Variants in PRIM1 observed in about 807,000 individuals in gnomAD.
PRIM1 encodes DNA primase subunit 1.
Under a neutral mutation model 60.2 loss-of-function variants are expected in PRIM1, and 38 were observed. The observed-to-expected ratio is 0.63, with a 90% CI of 0.49 to 0.83. The LOEUF is 0.83. Ranked by LOEUF, PRIM1 falls within the 40% of genes least tolerant of loss-of-function variation. The pLI is 0.00. For missense variants in PRIM1, 388 were observed against 506.2 expected (o/e 0.77, Z 2.24); for synonymous variants, 158 against 160.2 (o/e 0.99, Z 0.10).
chr12:56,741,688 T>C, intron 8 of PRIM1, 58 bp downstream of exon 8: 1 of 1,585,152 alleles, frequency 6.3e-7, no homozygotes, highest in Non-Finnish European at 8.6e-7. Context: ...GGCAAAGCAA[T>C]CAATTTAATT....
intron 10 of PRIM1, among the ~76,000 whole-genome samples, chr12:56,739,022 T>G (rs1953853746): frequency 6.6e-6 from 1 of 152,214 alleles, no homozygotes; most frequent in Non-Finnish European, 1.5e-5. Context: ...TATGAAAGAC[T>G]GTGAAATACT....
intron 11 of PRIM1, among the ~76,000 whole-genome samples, chr12:56,734,835 A>G (rs1224738138): frequency 5.7e-5 from 8 of 140,224 alleles, no homozygotes; most frequent in Non-Finnish European, 1.2e-4. Flanking sequence ...TTTTTGAGAC[A>G]GAGTGTCACT....
At chr12:56,748,796 A>ACTTTTTGTGTTTTT (rs1264423117) in intron 2 of PRIM1, among the ~76,000 whole-genome samples, 34 of 151,990 alleles carry the variant, frequency 2.2e-4, no homozygotes, top group Admixed American at 2.0e-3. Flanking sequence ...TCTCTACTAA[A>ACTTTTTGTGTTTTT]AAACACAAAA....
chr12:56,752,300 G>C lies in PRIM1; in HGVS notation c.-2C>G. On this transcript the variant is annotated 5_prime_UTR_variant, in exon 1 of 13. Coordinates refer to ENST00000338193, the MANE Select transcript of PRIM1 (RefSeq NM_000946.3). ...CTCGGTGGGGTCAAACGTCTCCATT[G>C]AGCGCGGAACTCGCCACGGTAAGGA... is the stretch of plus-strand genomic sequence containing the variant. 6.4e-7 allele frequency: 1 copy of C among 1,570,414 alleles called. No homozygotes were observed.
At position 56,731,703 on chromosome 12, in the gene PRIM1, G is replaced by C. The variant is rs983302125; in HGVS notation, c.*12C>G. On this transcript the variant is annotated 3_prime_UTR_variant, in exon 13 of 13. Coordinates refer to ENST00000338193, the MANE Select transcript of PRIM1 (RefSeq NM_000946.3). ...GCAGAAGATATCCACAATGGTTTGA[G>C]GAGCTCTGTCTTCAGAAATCTTTTT... 6 of 1,513,034 alleles carry C rather than the reference G, an allele frequency of 4.0e-6. No individual in the cohort carries two copies. In the African/African-American group the frequency reaches 8.4e-5, roughly 21 times the overall value. 93.7% of individuals were successfully genotyped at this position (1,513,034 alleles called of 1,614,324 possible).
chr12:56,750,371 T>C lies in PRIM1; in HGVS notation c.261+667A>G, dbSNP rs188504122. Among the ~76,000 whole-genome samples, 95 of 151,600 alleles carry C rather than the reference T, an allele frequency of 6.3e-4. 1 individual carries two copies. The highest frequency in any genetic ancestry group is 9.8e-4 in the Admixed American group (15 of 15,234). ...TGGTAGAGCCAAAGGGATTTCCTAA[T>C]AGAATGGGTATGGGAATGTGAGAAA... On this transcript the variant is annotated intron_variant, in intron 2 of 12. Transcript: ENST00000338193.
chr12:56,750,803 A>G (rs1953946359), intron 2 of PRIM1, among the ~76,000 whole-genome samples: 1 of 152,122 alleles, frequency 6.6e-6, no homozygotes, highest in Admixed American at 6.6e-5. Flanking sequence ...CCTAGTAGCT[A>G]GATACTCAAT....
Position 56,747,001 on chromosome 12 carries a change from G to A in PRIM1, c.293C>T (p.Ala98Val), listed in dbSNP as rs780763310. 9.9e-6 allele frequency: 16 copies of A among 1,613,318 alleles called. No homozygotes were observed. In the Admixed American group the frequency reaches 2.5e-4, roughly 25 times the overall value. The change falls in exon 3 of 13, where the codon GCT becomes GTT. Residue 98 changes from alanine (A) to valine (V), a missense_variant. By Grantham distance (64) the Ala-to-Val change is moderately conservative (BLOSUM62 0). Transcript: ENST00000338193. ...PNQHNTVKLG[A>V]FQAQEKELVF... ...CAGTTCTTTTTCCTGAGCCTGGAAA[G>A]CTCCCAGCTTCACTGTATTGTGTTG... is the stretch of plus-strand genomic sequence containing the variant.
chr12:56,737,138 G>C (rs929689743), intron 11 of PRIM1, among the ~76,000 whole-genome samples: 6 of 152,120 alleles, frequency 3.9e-5, no homozygotes, highest in Middle Eastern at 3.4e-3. Flanking sequence ...TCTCAAAGGA[G>C]CATGAACCCT....
At chr12:56,741,973 CTGGGCGTGG>C (rs1953875635) in intron 7 of PRIM1, 136 bp from the exon 8 acceptor site, 1 of 911,608 alleles carries the variant, frequency 1.1e-6, no homozygotes, top group Non-Finnish European at 1.7e-6. Flanking sequence ...TAAATGTTGA[CTGGGCGTGG>C]TGGCTCATGC....
intron 11 of PRIM1, among the ~76,000 whole-genome samples, chr12:56,737,424 A>G (rs1953840920): frequency 6.7e-6 from 1 of 149,648 alleles, no homozygotes; most frequent in African/African-American, 2.5e-5. Context: ...ATCTTGGCTC[A>G]CCGCAACCTC....
At position 56,743,046 on chromosome 12, in the gene PRIM1, T is replaced by C. The variant is rs895947764; in HGVS notation, c.689A>G (p.Asn230Ser). Reference protein sequence around the residue: ...KKYFEEYALVNQDILENKESW... With the variant: ...KKYFEEYALVSQDILENKESW... Reference sequence around the variant, plus strand: ...TTCTTTATTTTCGAGAATATCTTGATTAACCAAGGCATATTCTTCAAAGTA... The same window carrying C: ...TTCTTTATTTTCGAGAATATCTTGACTAACCAAGGCATATTCTTCAAAGTA... Residue 230 changes from asparagine (N) to serine (S), a missense_variant, in exon 7 of 13, where the codon AAT (asparagine) becomes AGT (serine). By Grantham distance (46) the Asn-to-Ser change is conservative. Around this residue, in one of 3 missense-constraint regions of PRIM1, gnomAD observed 211 missense variants for 277.9 expected, o/e 0.76. Transcript: ENST00000338193. 1.0e-5 allele frequency: 16 copies of C among 1,539,690 alleles called. No individual in the cohort carries two copies. Among genetic ancestry groups the C allele is most frequent in the Non-Finnish European group, 1.4e-5 (16 of 1,145,834 alleles).
In PRIM1 at chr12:56,746,791, T is replaced by C; in HGVS notation, c.432A>G (p.Arg144=). The change falls in exon 4 of 13, where the codon AGA becomes AGG. Residue 144 remains arginine (R), a synonymous_variant. Coordinates refer to ENST00000338193, the MANE Select transcript of PRIM1 (RefSeq NM_000946.3). ...ACTGCTGATACTTGCCCTTCAATGCTCTGTCAATGATGCGTATGGCCATTG... is the reference window on the plus strand; with the variant it reads ...ACTGCTGATACTTGCCCTTCAATGCCCTGTCAATGATGCGTATGGCCATTG... ...LMTMAIRIID[R]ALKEDFGFKH... is the part of the protein sequence containing the mutation. The C allele has an allele frequency of 6.2e-7, 1 of 1,613,928 alleles. No individual in the cohort carries two copies. The highest frequency in any genetic ancestry group is 8.5e-7 in the Non-Finnish European group (1 of 1,179,858).
At chr12:56,747,776 A>G (rs1324123385) in intron 2 of PRIM1, among the ~76,000 whole-genome samples, 2 of 152,242 alleles carry the variant, frequency 1.3e-5, no homozygotes, top group East Asian at 1.9e-4. Context: ...TAATTCCACC[A>G]TAAGTTTTTA....
rs907670298 is a variant in PRIM1, at chr12:56,731,704, G to A, written c.*11C>T. On this transcript the variant is annotated 3_prime_UTR_variant, in exon 13 of 13. Transcript: ENST00000338193. The stretch of plus-strand genomic sequence containing the variant: ...CAGAAGATATCCACAATGGTTTGAG[G>A]AGCTCTGTCTTCAGAAATCTTTTTG... 4.0e-6 allele frequency: 6 copies of A among 1,513,328 alleles called. No individual in the cohort carries two copies. Among genetic ancestry groups the A allele is most frequent in the African/African-American group, 1.4e-5 (1 of 71,868 alleles). The allele number at this position is 1,513,328 out of a possible 1,614,324, so 93.7% of individuals were successfully genotyped here.
At chr12:56,733,543 A>G (rs1953799845) in intron 12 of PRIM1, among the ~76,000 whole-genome samples, 2 of 151,930 alleles carry the variant, frequency 1.3e-5, no homozygotes, top group South Asian at 4.1e-4. Context: ...CCATCAGATA[A>G]AATCTCTTTC....
chr12:56,748,560 G>A (rs964292413), intron 2 of PRIM1, among the ~76,000 whole-genome samples: 1 of 151,582 alleles, frequency 6.6e-6, no homozygotes, highest in African/African-American at 2.4e-5. Flanking sequence ...CCGGGAGGCG[G>A]AGGCTGCAGT....
At chr12:56,734,978 A>AT (rs575228547) in intron 11 of PRIM1, among the ~76,000 whole-genome samples, 1 of 150,790 alleles carries the variant, frequency 6.6e-6, no homozygotes, top group African/African-American at 2.4e-5. Flanking sequence ...CAATGAGCTA[A>AT]TTTTTTGTAT....
chr12:56,747,528 T>A (rs1953916428), intron 2 of PRIM1, among the ~76,000 whole-genome samples: 1 of 152,060 alleles, frequency 6.6e-6, no homozygotes, highest in Admixed American at 6.6e-5. Flanking sequence ...GGCAGATCAC[T>A]TGAGGTCAGG....
Sources: gnomAD v4.1 joint callset for allele counts (sites outside exome capture counted in the v4.1 genomes callset) on GRCh38, gnomAD v4.1.1 for gene constraint, gnomAD v4.1.1 regional missense constraint, MANE v1.5 for transcripts, NCBI Gene and HGNC (gene_info 2026-07-23, HGNC 2026-07-21) for gene names.